DNAH8: variants seen among roughly 807,000 people sequenced by gnomAD.
DNAH8 encodes axonemal beta dynein heavy chain 8.
In DNAH8, 382 loss-of-function variants were observed where a neutral mutation model predicts 562.1. The ratio of observed to expected loss-of-function variants is 0.68; its 90% CI spans 0.63 to 0.74. The LOEUF is 0.74. Among genes scored for constraint, DNAH8 ranks in the 30% least tolerant of loss-of-function variants. DNAH8 has a pLI of 0.00. For synonymous variants in DNAH8, 1,881 were observed against 1,919.4 expected (o/e 0.98, Z 0.52); for missense variants, 5,203 against 5,620.4 (o/e 0.93, Z 2.37).
Position 38,857,748 on chromosome 6 carries a change from G to T in DNAH8, c.5958+6G>T, listed in dbSNP as rs755577666. On this transcript the variant is annotated splice_donor_region_variant and intron_variant, in intron 42 of 92. Coordinates refer to ENST00000327475, the MANE Select transcript of DNAH8 (RefSeq NM_001206927.2). Reference sequence around the variant, plus strand: ...GAGATATTTTTGATGACTTGGTAAGGTATCTTTTTTTTTAATTTAGTGTAC... The same window carrying T: ...GAGATATTTTTGATGACTTGGTAAGTTATCTTTTTTTTTAATTTAGTGTAC... 4 of 1,575,888 alleles carry T rather than the reference G, an allele frequency of 2.5e-6. No homozygotes were observed. The highest frequency in any genetic ancestry group is 1.1e-5 in the South Asian group (1 of 87,386).
At chr6:39,012,423 T>C (rs757017977) in intron 90 of DNAH8, 25 bp from the exon 91 acceptor site, 6 of 1,609,064 alleles carry the variant, frequency 3.7e-6, no homozygotes, top group Non-Finnish European at 4.3e-6. Context: ...TTCTTATTCA[T>C]GTGTTTTAAC....
At chr6:38,915,819 CA>C in intron 68 of DNAH8, among the ~76,000 whole-genome samples, 1 of 150,474 alleles carries the variant, frequency 6.6e-6, no homozygotes, top group Non-Finnish European at 1.5e-5. Context: ...GACCTGCATT[CA>C]ACCTCTATAT....
At position 38,883,336 on chromosome 6, in the gene DNAH8, A is replaced by G; in HGVS notation, c.8016A>G (p.Thr2672=). 1 of 1,609,954 alleles carries G rather than the reference A, an allele frequency of 6.2e-7. No individual in the cohort carries two copies. The highest frequency in any genetic ancestry group is 2.2e-5 in the East Asian group (1 of 44,732). The part of the protein sequence containing the change: ...IAKQHKAVLL[T]GEQGTAKTVM... Reference sequence around the variant, plus strand: ...TATGATTGCAGGCTGTTTTGCTCACAGGAGAGCAGGGAACTGCAAAAACTG... The same window carrying G: ...TATGATTGCAGGCTGTTTTGCTCACGGGAGAGCAGGGAACTGCAAAAACTG... Residue 2672 remains threonine (T), a synonymous_variant, in exon 55 of 93, where the codon ACA becomes ACG. Transcript: ENST00000327475.
chr6:38,943,941 G>C (rs1465733819), intron 79 of DNAH8, among the ~76,000 whole-genome samples: 1 of 152,024 alleles, frequency 6.6e-6, no homozygotes, highest in Admixed American at 6.6e-5. Flanking sequence ...ATGTTTTTTT[G>C]TTCAAGTTTA....
chr6:38,869,187 C>CA (rs1449833808), intron 48 of DNAH8, among the ~76,000 whole-genome samples: 17 of 152,210 alleles, frequency 1.1e-4, no homozygotes, highest in Non-Finnish European at 2.5e-4. Context: ...AGCCTCACAG[C>CA]AACTCTGTGG....
At chr6:38,867,965 A>T (rs1267370920) in intron 47 of DNAH8, 97 bp from the exon 48 acceptor site, 1 of 1,249,082 alleles carries the variant, frequency 8.0e-7, no homozygotes, top group Non-Finnish European at 1.1e-6. Flanking sequence ...ACTATCCCAT[A>T]TAAGTATCAG....
At chr6:38,740,256 A>T (rs1764420159) in intron 7 of DNAH8, among the ~76,000 whole-genome samples, 1 of 152,162 alleles carries the variant, frequency 6.6e-6, no homozygotes, top group Admixed American at 6.6e-5. Context: ...TGAGATTTTG[A>T]TTAGAATTTC....
chr6:38,857,002 C>T (rs1776255445), intron 41 of DNAH8, among the ~76,000 whole-genome samples: 1 of 152,168 alleles, frequency 6.6e-6, no homozygotes, highest in Admixed American at 6.5e-5. Context: ...ACAAGCTTCT[C>T]CCCTTCTCAT....
intron 33 of DNAH8, among the ~76,000 whole-genome samples, chr6:38,839,807 C>T (rs1234717849): frequency 1.3e-5 from 2 of 152,048 alleles, no homozygotes; most frequent in Admixed American, 1.3e-4. Flanking sequence ...GGATTATAGG[C>T]ATGTGCCACC....
chr6:38,796,599 A>G (rs564773802), intron 21 of DNAH8, among the ~76,000 whole-genome samples: 2 of 152,260 alleles, frequency 1.3e-5, no homozygotes, highest in Admixed American at 6.5e-5. Context: ...TATGTTATCT[A>G]TAGATTCCAG....
At chr6:38,917,560 G>A (rs1781401944) in intron 69 of DNAH8, among the ~76,000 whole-genome samples, 154 bp downstream of exon 69, 1 of 152,184 alleles carries the variant, frequency 6.6e-6, no homozygotes, top group Non-Finnish European at 1.5e-5. Flanking sequence ...TGTAAAGAGG[G>A]ATAGATTTTA....
intron 88 of DNAH8, among the ~76,000 whole-genome samples, chr6:38,994,490 A>G (rs1764998935): frequency 7.9e-6 from 1 of 127,036 alleles, no homozygotes; most frequent in African/African-American, 2.9e-5. Context: ...GGTATAAAGG[A>G]ATCATCTACA....
chr6:38,984,111 C>T (rs1019426440), intron 86 of DNAH8, 95 bp from the exon 87 acceptor site: 1 of 675,550 alleles, frequency 1.5e-6, no homozygotes, highest in Non-Finnish European at 2.6e-6. Context: ...GTGAGTGCTT[C>T]CTTTTCCAGA....
chr6:38,842,327 T>A (rs1433513560), intron 33 of DNAH8, 41 bp from the exon 34 acceptor site: 2 of 1,525,124 alleles, frequency 1.3e-6, no homozygotes, highest in African/African-American at 1.4e-5. Flanking sequence ...CTTTATTAAA[T>A]ATTATACATG....
intron 4 of DNAH8, among the ~76,000 whole-genome samples, chr6:38,731,872 G>A (rs751811033): frequency 5.3e-5 from 8 of 152,028 alleles, no homozygotes; most frequent in South Asian, 2.1e-4. Context: ...ACACCACTGC[G>A]CCCAGCTAAT....
intron 82 of DNAH8, among the ~76,000 whole-genome samples, chr6:38,968,087 T>C (rs1358674596): frequency 6.6e-6 from 1 of 152,168 alleles, no homozygotes; most frequent in African/African-American, 2.4e-5. Flanking sequence ...AGAACTGATA[T>C]GCATTTGCAA....
chr6:38,752,618 G>A (rs565889163), intron 9 of DNAH8, among the ~76,000 whole-genome samples: 1 of 111,566 alleles, frequency 9.0e-6, no homozygotes, highest in East Asian at 2.0e-4. Flanking sequence ...CATCCCAGAG[G>A]CAGGGAGAAG....
At chr6:38,857,974 T>A (rs1021934904) in intron 42 of DNAH8, among the ~76,000 whole-genome samples, 2 of 152,214 alleles carry the variant, frequency 1.3e-5, no homozygotes, top group African/African-American at 4.8e-5. Flanking sequence ...ATGAGCCAGC[T>A]AATTGTTCCA....
intron 33 of DNAH8, among the ~76,000 whole-genome samples, chr6:38,841,983 T>C (rs950044806): frequency 1.2e-4 from 19 of 152,318 alleles, no homozygotes; most frequent in South Asian, 8.3e-4. Flanking sequence ...ATCCAGCTTG[T>C]ATTTGAAAGA....
Sources: allele counts gnomAD v4.1 joint callset (sites outside exome capture counted in the v4.1 genomes callset), GRCh38; gene constraint gnomAD v4.1.1; transcripts MANE v1.5; gene names NCBI Gene and HGNC (gene_info 2026-07-23, HGNC 2026-07-21).